SYNE1: variants seen among roughly 807,000 people sequenced by gnomAD.
SYNE1 encodes spectrin repeat containing nuclear envelope protein 1.
A neutral mutation model predicts 1,111.0 loss-of-function variants in SYNE1; 616 were observed. That is an observed-to-expected ratio of 0.55 (90% CI 0.52 to 0.59). SYNE1 has a LOEUF of 0.59. Among genes scored for constraint, SYNE1 ranks in the 20% least tolerant of loss-of-function variants. The probability of loss-of-function intolerance (pLI) is 0.00; values close to 1 mark genes in which losing one functional copy is unlikely to be tolerated. For synonymous variants in SYNE1, 3,855 were observed against 3,825.8 expected (o/e 1.01, Z -0.28); for missense variants, 10,006 against 10,417.0 (o/e 0.96, Z 1.72).
chr6:152,318,349 A>G, intron 85 of SYNE1, 86 bp from the exon 86 acceptor site: 1 of 1,376,348 alleles, frequency 7.3e-7, no homozygotes, highest in Non-Finnish European at 1.0e-6. Context: ...TTTTTGTCAA[A>G]GCCAAATATT....
rs985616541 is a variant in SYNE1 at position 152,156,222 on chromosome 6, T to G, written c.23791-125A>C. On this transcript the variant is annotated intron_variant, in intron 131 of 145. Coordinates refer to ENST00000367255, the MANE Select transcript of SYNE1 (RefSeq NM_182961.4). ...CAAATATTTAATTTCCTTGAATGTA[T>G]GACATTTATTGAGCCTCATTTATGA... 8 of 980,258 alleles carry G rather than the reference T, an allele frequency of 8.2e-6. No homozygotes were observed. In the African/African-American group the frequency reaches 1.1e-4, roughly 14 times the overall value. The allele number at this position is 980,258 out of a possible 1,614,324, so 60.7% of individuals were successfully genotyped here.
intron 21 of SYNE1, among the ~76,000 whole-genome samples, chr6:152,460,687 A>G (rs1431383177): frequency 9.9e-5 from 15 of 152,010 alleles, no homozygotes; most frequent in Admixed American, 9.8e-4. Flanking sequence ...ACAAATCCCA[A>G]TGGAACTTCC....
intron 33 of SYNE1, chr6:152,434,860 T>C (rs933748964): frequency 6.6e-6 from 1 of 152,110 alleles, no homozygotes; most frequent in Non-Finnish European, 1.5e-5. Flanking sequence ...AATTAAATAA[T>C]ATTGCAGTCT....
rs546334555 is a variant in SYNE1, at chr6:152,556,135, C to T, written c.68-16114G>A. ...TAATAGCAGTTTCCAGTGCTCATTT[C>T]CTCACAGAGACATCAATTTGAACAA... On this transcript the variant is annotated intron_variant, in intron 3 of 145. Transcript: ENST00000367255. Among the ~76,000 whole-genome samples the T allele has an allele frequency of 3.9e-4, 60 of 152,252 alleles. 1 individual carries two copies. The highest frequency in any genetic ancestry group is 1.4e-3 in the African/African-American group (57 of 41,548).
rs527956673 is a variant in SYNE1 at position 152,476,579 on chromosome 6, G to GA, written c.1351-4167dup. ...CATGAAAATACTGTCATTCCTTTGG[G>GA]AAAAAAAAATGGGGCTGGGTGCTGC... On this transcript the variant is annotated intron_variant, in intron 14 of 145. Coordinates refer to ENST00000367255, the MANE Select transcript of SYNE1 (RefSeq NM_182961.4). Among the ~76,000 whole-genome samples, 570 of 150,516 alleles carry GA rather than the reference G, an allele frequency of 3.8e-3. 3 individuals are homozygous for GA. Among genetic ancestry groups the GA allele is most frequent in the Admixed American group, 6.7e-3 (101 of 15,104 alleles).
rs1262991115 is a variant in SYNE1, at chr6:152,425,482, T to C, written c.5166A>G (p.Ser1722=). The change falls in exon 39 of 146, where the codon TCA becomes TCG. Residue 1722 remains serine, a synonymous_variant. Coordinates refer to ENST00000367255, the MANE Select transcript of SYNE1 (RefSeq NM_182961.4). The part of the protein sequence containing the change: ...FYSKLLQLKE[S]LFSVASKDDV... ...CATCTTTGGAGGCTACTGAGAACAA[T>C]GATTCCTTCAATTGCAAAAGTTTGC... 1.2e-6 allele frequency: 2 copies of C among 1,614,178 alleles called. No homozygotes were observed. Among genetic ancestry groups the C allele is most frequent in the Middle Eastern group, 1.6e-4 (1 of 6,062 alleles).
At chr6:152,422,027 C>T (rs1166382763) in intron 39 of SYNE1, among the ~76,000 whole-genome samples, 2 of 151,974 alleles carry the variant, frequency 1.3e-5, no homozygotes, top group African/African-American at 4.8e-5. Flanking sequence ...CCTTAATGCC[C>T]CACAAACTGA....
At chr6:152,246,180 G>A (rs1588635364) in intron 105 of SYNE1, among the ~76,000 whole-genome samples, 2 of 152,132 alleles carry the variant, frequency 1.3e-5, no homozygotes, top group African/African-American at 2.4e-5. Context: ...CACACACAGA[G>A]TTCCCTTTCA....
chr6:152,574,132 G>A (rs1158260493), intron 3 of SYNE1, among the ~76,000 whole-genome samples: 1 of 144,706 alleles, frequency 6.9e-6, no homozygotes, highest in African/African-American at 2.8e-5. Context: ...TACAGTTATG[G>A]AATATATAAT....
intron 33 of SYNE1, chr6:152,435,585 C>T (rs1158985603): frequency 7.5e-6 from 2 of 267,478 alleles, no homozygotes; most frequent in East Asian, 7.2e-5. Flanking sequence ...CTCCTTTTCG[C>T]TCTAAATGGT....
chr6:152,318,590 T>C (rs114863691), intron 85 of SYNE1, among the ~76,000 whole-genome samples: 240 of 152,248 alleles, frequency 1.6e-3, no homozygotes, highest in African/African-American at 5.3e-3. Flanking sequence ...TTGGAATTTA[T>C]ATACTTGTAT....
In SYNE1 at chr6:152,529,706, G is replaced by A. The variant is rs146114798; in HGVS notation, c.130-3531C>T. Among the ~76,000 whole-genome samples, 9 of 152,322 alleles carry A rather than the reference G, an allele frequency of 5.9e-5. No homozygotes were observed. The East Asian group carries it at 1.7e-3, about 29-fold the overall frequency. The stretch of plus-strand genomic sequence containing the variant: ...AAACTATGCACAGTCTTTCAGAGGT[G>A]AATGACCTCTCCCTTCCCAGTGGAG... On this transcript the variant is annotated intron_variant, in intron 4 of 145. Coordinates refer to ENST00000367255, the MANE Select transcript of SYNE1 (RefSeq NM_182961.4).
chr6:152,307,155 T>C (rs1006651832), intron 91 of SYNE1, among the ~76,000 whole-genome samples: 4 of 152,298 alleles, frequency 2.6e-5, no homozygotes, highest in South Asian at 2.1e-4. Context: ...ACATAACACT[T>C]TCATTTAACC....
chr6:152,260,597 G>C (rs1390010610), intron 101 of SYNE1, among the ~76,000 whole-genome samples: 1 of 151,908 alleles, frequency 6.6e-6, no homozygotes, highest in Admixed American at 6.6e-5. Flanking sequence ...AGAATAGAAA[G>C]CGTGGCTCTG....
intron 58 of SYNE1, among the ~76,000 whole-genome samples, chr6:152,374,028 G>T (rs375552227): frequency 2.0e-5 from 3 of 152,204 alleles, no homozygotes; most frequent in Non-Finnish European, 4.4e-5. Flanking sequence ...ATGAATTTCC[G>T]TGGGGAATCT....
intron 130 of SYNE1, among the ~76,000 whole-genome samples, chr6:152,168,966 T>C (rs1199549974): frequency 6.6e-6 from 1 of 152,082 alleles, no homozygotes; most frequent in African/African-American, 2.4e-5. Context: ...ATTTCAAGAG[T>C]TTCCAAACTT....
intron 13 of SYNE1, 92 bp from the exon 14 acceptor site, chr6:152,483,341 C>A: frequency 9.2e-7 from 1 of 1,088,340 alleles, no homozygotes; most frequent in South Asian, 1.3e-5. Context: ...ATACATAAAG[C>A]TTTAAGTTAA....
At chr6:152,186,504 C>T (rs142564987) in intron 128 of SYNE1, among the ~76,000 whole-genome samples, 5,807 of 125,306 alleles carry the variant, frequency 0.046, 147 homozygotes, top group Middle Eastern at 0.14. Flanking sequence ...TGCGGTGAGC[C>T]GAGATCACAC....
At chr6:152,371,347 C>T (rs1439057394) in intron 59 of SYNE1, among the ~76,000 whole-genome samples, 1 of 151,842 alleles carries the variant, frequency 6.6e-6, no homozygotes, top group African/African-American at 2.4e-5. Context: ...TCATACTTCT[C>T]CTTCCTGCCA....
Sources: allele counts gnomAD v4.1 joint callset (sites outside exome capture counted in the v4.1 genomes callset), GRCh38; gene constraint gnomAD v4.1.1; transcripts MANE v1.5; gene names NCBI Gene and HGNC (gene_info 2026-07-23, HGNC 2026-07-21).